M1AP: variants seen among roughly 807,000 people sequenced by gnomAD.
The protein encoded by M1AP is meiosis 1 associated protein.
A neutral mutation model predicts 51.2 loss-of-function variants in M1AP; 39 were observed. The observed-to-expected ratio is 0.76, with a 90% CI of 0.59 to 1.00. The LOEUF (loss-of-function observed/expected upper bound fraction) is 1.00. M1AP is among the 50% of genes least tolerant of loss of function. The pLI is 0.00. For missense variants in M1AP, 545 were observed against 641.2 expected, an observed-to-expected ratio of 0.85 and a Z score of 1.62; for synonymous variants, 251 against 249.2, an observed-to-expected ratio of 1.01 and a Z score of -0.07.
chr2:74,610,846 G>C (rs185917953), intron 3 of M1AP, among the ~76,000 whole-genome samples: 1 of 152,318 alleles, frequency 6.6e-6, no homozygotes, highest in Admixed American at 6.5e-5. Context: ...GTTGAGGTAT[G>C]CTCTTTCTGA....
intron 9 of M1AP, 43 bp downstream of exon 9, chr2:74,560,108 G>T: frequency 1.2e-6 from 2 of 1,603,080 alleles, no homozygotes; most frequent in African/African-American, 1.3e-5. Flanking sequence ...ATGAAGGGGA[G>T]GGAGGGGAAG....
chr2:74,589,244 T>A (rs991645319), intron 4 of M1AP, among the ~76,000 whole-genome samples: 3 of 152,168 alleles, frequency 2.0e-5, no homozygotes, highest in Non-Finnish European at 4.4e-5. Context: ...GGGAATGAGC[T>A]TTTTGTGTTG....
At chr2:74,565,539 C>T (rs1678318300) in intron 7 of M1AP, among the ~76,000 whole-genome samples, 1 of 151,874 alleles carries the variant, frequency 6.6e-6, no homozygotes, top group Admixed American at 6.6e-5. Flanking sequence ...GGAGAAAAAA[C>T]ATTTGGCAGC....
At position 74,558,680 on chromosome 2, in the gene M1AP, G is replaced by T; in HGVS notation, c.*36C>A. ...ATTATGTGAACCTGAGCATGGATATGGTTAAGCTGGGCAGCTGGGCTCTGG... is the reference window on the plus strand; with the variant it reads ...ATTATGTGAACCTGAGCATGGATATTGTTAAGCTGGGCAGCTGGGCTCTGG... On this transcript the variant is annotated 3_prime_UTR_variant, in exon 11 of 11. Coordinates refer to ENST00000421985, the MANE Select transcript of M1AP (RefSeq NM_001321739.2). The T allele has an allele frequency of 6.2e-7, 1 of 1,609,578 alleles. No individual in the cohort carries two copies. Among genetic ancestry groups the T allele is most frequent in the South Asian group, 1.1e-5 (1 of 90,228 alleles).
intron 3 of M1AP, among the ~76,000 whole-genome samples, chr2:74,614,426 C>T (rs138239535): frequency 6.6e-6 from 1 of 152,144 alleles, no homozygotes; most frequent in East Asian, 1.9e-4. Context: ...TACAAGAGAC[C>T]GAAACTGTCT....
chr2:74,588,226 T>C (rs1034370320), intron 4 of M1AP, among the ~76,000 whole-genome samples: 2 of 152,194 alleles, frequency 1.3e-5, no homozygotes, highest in African/African-American at 4.8e-5. Flanking sequence ...TGAAATTATA[T>C]ACAATTCATC....
chr2:74,568,455 C>G (rs1473098426), intron 7 of M1AP, among the ~76,000 whole-genome samples: 1 of 152,122 alleles, frequency 6.6e-6, no homozygotes, highest in South Asian at 2.1e-4. Flanking sequence ...TGCTTATACC[C>G]TGGGAGTATA....
chr2:74,574,486 G>A (rs944467127), intron 7 of M1AP, among the ~76,000 whole-genome samples: 2 of 152,162 alleles, frequency 1.3e-5, no homozygotes, highest in Admixed American at 1.3e-4. Flanking sequence ...GACTTCCAAT[G>A]TTCTAGTTCA....
At chr2:74,621,021 C>T (rs1416901861) in intron 2 of M1AP, 1 of 152,610 alleles carries the variant, frequency 6.6e-6, no homozygotes, top group African/African-American at 2.4e-5. Context: ...GTGGCTCACG[C>T]CTGCAATCAC....
At chr2:74,611,478 T>C (rs949043763) in intron 3 of M1AP, among the ~76,000 whole-genome samples, 3 of 152,218 alleles carry the variant, frequency 2.0e-5, no homozygotes, top group African/African-American at 7.2e-5. Context: ...TTCTTCAAAA[T>C]AGTCTATAAT....
Position 74,581,813 on chromosome 2 carries a change from C to G in M1AP, c.630G>C (p.Gln210His). 6.2e-7 allele frequency: 1 copy of G among 1,613,906 alleles called. No homozygotes were observed. The highest frequency in any genetic ancestry group is 8.5e-7 in the Non-Finnish European group (1 of 1,179,826). Reference sequence around the variant, plus strand: ...TGCTGACGATATCATTGTCTATAGTCTGAAGGTCAATGTCAGTTCCCAGAA... The same window carrying G: ...TGCTGACGATATCATTGTCTATAGTGTGAAGGTCAATGTCAGTTCCCAGAA... ...SSILGTDIDLQTIDNDIVSME... is the reference protein window; with the variant it reads ...SSILGTDIDLHTIDNDIVSME... The change falls in exon 5 of 11, where the codon CAG (glutamine) becomes CAC (histidine). Residue 210 changes from glutamine to histidine, a missense_variant. By Grantham distance (24) the Gln-to-His change is conservative (BLOSUM62 0). Transcript: ENST00000421985.
chr2:74,588,033 A>C (rs1432372539), intron 4 of M1AP, among the ~76,000 whole-genome samples: 2 of 152,216 alleles, frequency 1.3e-5, no homozygotes, highest in Non-Finnish European at 2.9e-5. Context: ...TTCTCTCTTC[A>C]CATAAAATAT....
At chr2:74,604,275 T>C (rs762882000) in intron 4 of M1AP, among the ~76,000 whole-genome samples, 1 of 152,208 alleles carries the variant, frequency 6.6e-6, no homozygotes, top group African/African-American at 2.4e-5. Flanking sequence ...GGTCTCCTTT[T>C]TGAGTGGCCC....
In M1AP at chr2:74,559,723, A is replaced by G. The variant is rs1390292192; in HGVS notation, c.1423-14T>C. ...CTTGCAGGGATGCTGTGAGGATTAA[A>G]TGAGAAAAACATATAAGCAAGCACT... is the stretch of plus-strand genomic sequence containing the variant. On this transcript the variant is annotated splice_polypyrimidine_tract_variant and intron_variant, in intron 9 of 10. Coordinates refer to ENST00000421985, the MANE Select transcript of M1AP (RefSeq NM_001321739.2). 2 of 718,368 alleles carry G rather than the reference A, an allele frequency of 2.8e-6. No homozygotes were observed. Among genetic ancestry groups the G allele is most frequent in the Non-Finnish European group, 5.2e-6 (2 of 385,038 alleles). 44.5% of individuals were successfully genotyped at this position (718,368 alleles called of 1,614,324 possible). A position where few individuals can be genotyped will look rare whatever the true frequency, so the allele number is the denominator to read the frequency against.
Position 74,576,476 on chromosome 2 carries a change from A to G in M1AP, c.912T>C (p.His304=). 1 of 1,613,864 alleles carries G rather than the reference A, an allele frequency of 6.2e-7. No homozygotes were observed. Among genetic ancestry groups the G allele is most frequent in the Non-Finnish European group, 8.5e-7 (1 of 1,179,970 alleles). The change falls in exon 6 of 11, where the codon CAT becomes CAC. Residue 304 remains histidine, a synonymous_variant. Coordinates refer to ENST00000421985, the MANE Select transcript of M1AP (RefSeq NM_001321739.2). The stretch of plus-strand genomic sequence containing the variant: ...CATACTTGATCACTTGGAGCTTGTA[A>G]TGAGAGGCCGATGACTGGGAAGCCA... ...YQMASQSSAS[H]YKLQVIKALK...
intron 1 of M1AP, 94 bp downstream of exon 1, chr2:74,648,171 C>G: frequency 3.1e-6 from 3 of 956,248 alleles, no homozygotes; most frequent in Non-Finnish European, 3.7e-6. Flanking sequence ...TGCCTGAGGA[C>G]TGGCCCGAGC....
intron 1 of M1AP, chr2:74,647,998 C>T: frequency 1.0e-6 from 1 of 985,338 alleles, no homozygotes. Context: ...AGCAGCCCGG[C>T]CCTCGGGCCT....
chr2:74,630,500 G>A (rs904480698), intron 2 of M1AP, among the ~76,000 whole-genome samples: 2 of 151,966 alleles, frequency 1.3e-5, no homozygotes, highest in Non-Finnish European at 2.9e-5. Flanking sequence ...CCTCCTCAAC[G>A]GGCCCCAGTG....
intron 4 of M1AP, among the ~76,000 whole-genome samples, chr2:74,605,887 C>T (rs1187012781): frequency 2.0e-5 from 3 of 149,702 alleles, no homozygotes; most frequent in African/African-American, 5.0e-5. Context: ...GGCAACAGAG[C>T]GAGACTCCAT....
Sources: gnomAD v4.1 joint callset for allele counts (sites outside exome capture counted in the v4.1 genomes callset) on GRCh38, gnomAD v4.1.1 for gene constraint, MANE v1.5 for transcripts, NCBI Gene and HGNC (gene_info 2026-07-23, HGNC 2026-07-21) for gene names.